The following PTPRD variants were observed in gnomAD, a reference collection of about 807,000 sequenced individuals.
PTPRD encodes receptor-type tyrosine-protein phosphatase delta.
A neutral mutation model predicts 214.5 loss-of-function variants in PTPRD; 34 were observed. The observed-to-expected ratio is 0.16, with a 90% CI of 0.12 to 0.21. PTPRD has a LOEUF of 0.21. Among genes scored for constraint, PTPRD ranks in the 10% least tolerant of loss-of-function variants. The pLI, the probability that PTPRD is intolerant of heterozygous loss-of-function variation, is 1.00. For missense variants in PTPRD, 2,545 were observed against 2,398.7 expected (o/e 1.06, Z -1.27); for synonymous variants, 1,128 against 845.7 (o/e 1.33, Z -5.79).
intron 11 of PTPRD, among the ~76,000 whole-genome samples, chr9:8,734,168 G>C (rs1413892126): frequency 6.6e-6 from 1 of 152,168 alleles, no homozygotes. Context: ...TTACGTGGGA[G>C]CTCTCGCATT....
chr9:9,368,975 T>C (rs576968287), intron 9 of PTPRD, among the ~76,000 whole-genome samples: 18 of 152,142 alleles, frequency 1.2e-4, no homozygotes, highest in African/African-American at 4.3e-4. Context: ...TGTTTTCTCA[T>C]TGTTCAATTC....
intron 9 of PTPRD, among the ~76,000 whole-genome samples, chr9:9,275,119 T>TTA (rs1158833470): frequency 1.1e-4 from 6 of 53,498 alleles, no homozygotes; most frequent in Non-Finnish European, 1.6e-4. Context: ...TATATATATA[T>TTA]TATATATATT....
chr9:8,783,765 AT>A (rs2154495565), intron 11 of PTPRD, among the ~76,000 whole-genome samples: 1 of 152,214 alleles, frequency 6.6e-6, no homozygotes, highest in South Asian at 2.1e-4. Context: ...CTGTCATAGG[AT>A]TTTCAACTGT....
intron 8 of PTPRD, among the ~76,000 whole-genome samples, chr9:9,529,589 G>C (rs547424709): frequency 6.6e-6 from 1 of 151,872 alleles, no homozygotes; most frequent in Non-Finnish European, 1.5e-5. Context: ...CAGTAAGATA[G>C]GACTACATAC....
chr9:8,733,652 A>G, intron 12 of PTPRD, 128 bp downstream of exon 12: 1 of 914,956 alleles, frequency 1.1e-6, no homozygotes, highest in Non-Finnish European at 1.7e-6. Flanking sequence ...GTAGCCAAGG[A>G]GGATCCCGCA....
intron 2 of PTPRD, among the ~76,000 whole-genome samples, chr9:10,589,206 T>C (rs1223278374): frequency 6.6e-6 from 1 of 151,994 alleles, no homozygotes; most frequent in Non-Finnish European, 1.5e-5. Flanking sequence ...GAAATGTCTG[T>C]GTGGGTCAGA....
rs1841366711 is a variant in PTPRD at position 8,331,756 on chromosome 9, TACCCGGCCGCAAAGGAAGAC to T, written c.5380-40_5380-21del. 1 of 1,555,412 alleles carries T rather than the reference TACCCGGCCGCAAAGGAAGAC, an allele frequency of 6.4e-7. No individual in the cohort carries two copies. The highest frequency in any genetic ancestry group is 1.4e-5 in the African/African-American group (1 of 72,604). Reference sequence around the variant, plus strand: ...GCCGTCCTTTAGAAGGAAAGCCACATACCCGGCCGCAAAGGAAGACGCCAGGAGGATTCAGCAAGCATACG... The same window carrying T: ...GCCGTCCTTTAGAAGGAAAGCCACATGCCAGGAGGATTCAGCAAGCATACG... On this transcript the variant is annotated intron_variant, in intron 43 of 45. Coordinates refer to ENST00000381196, the MANE Select transcript of PTPRD (RefSeq NM_002839.4).
chr9:8,679,206 C>A (rs1596744636), intron 12 of PTPRD, among the ~76,000 whole-genome samples: 1 of 152,186 alleles, frequency 6.6e-6, no homozygotes, highest in Admixed American at 6.5e-5. Flanking sequence ...GATGCATTCT[C>A]ATCTAGCATC....
intron 2 of PTPRD, among the ~76,000 whole-genome samples, chr9:10,582,668 G>A (rs969785673): frequency 6.6e-6 from 1 of 152,068 alleles, no homozygotes; most frequent in Non-Finnish European, 1.5e-5. Context: ...CCCTTATGAA[G>A]TGCTCCTTAT....
chr9:8,864,640 A>C (rs1291751574), intron 11 of PTPRD, among the ~76,000 whole-genome samples: 1 of 152,142 alleles, frequency 6.6e-6, no homozygotes, highest in Non-Finnish European at 1.5e-5. Context: ...CCACACGTTG[A>C]TTTTCACGTT....
At chr9:9,818,878 T>C (rs1437939708) in intron 5 of PTPRD, among the ~76,000 whole-genome samples, 1 of 132,482 alleles carries the variant, frequency 7.5e-6, no homozygotes, top group African/African-American at 3.0e-5. Flanking sequence ...ATTGTGGCAC[T>C]GCACTCCAGC....
chr9:10,546,287 G>T (rs1014193237), intron 2 of PTPRD, among the ~76,000 whole-genome samples: 1 of 151,984 alleles, frequency 6.6e-6, no homozygotes, highest in Non-Finnish European at 1.5e-5. Flanking sequence ...TTAAAGCCTT[G>T]ATATGTGATA....
chr9:9,033,475 C>G (rs1372188708), intron 10 of PTPRD, among the ~76,000 whole-genome samples: 6 of 152,044 alleles, frequency 3.9e-5, no homozygotes, highest in Non-Finnish European at 7.4e-5. Flanking sequence ...AGAAGAACAT[C>G]CAACCGCAGT....
intron 11 of PTPRD, among the ~76,000 whole-genome samples, chr9:8,919,284 T>C (rs767738261): frequency 4.0e-5 from 6 of 151,128 alleles, no homozygotes; most frequent in Non-Finnish European, 5.9e-5. Flanking sequence ...TCCCAGTGAC[T>C]AGGGAGGCTG....
In PTPRD at chr9:8,848,660, G is replaced by T. The variant is rs560511937; in HGVS notation, c.-103-114714C>A. The stretch of plus-strand genomic sequence containing the variant: ...AAGCACCATGTCATTGGGCGTACTT[G>T]CCTGGACGATGTGAGATAAATATTT... On this transcript the variant is annotated intron_variant, in intron 11 of 45. Transcript: ENST00000381196. Among the ~76,000 whole-genome samples the T allele has an allele frequency of 9.9e-5, 15 of 152,022 alleles. No homozygotes were observed. In the South Asian group the frequency reaches 2.5e-3, roughly 25 times the overall value.
At chr9:8,846,682 C>T (rs181317614) in intron 11 of PTPRD, among the ~76,000 whole-genome samples, 6 of 152,148 alleles carry the variant, frequency 3.9e-5, no homozygotes, top group African/African-American at 1.4e-4. Flanking sequence ...TGTGGTACAT[C>T]TGGGAAACAG....
chr9:10,358,512 T>G (rs1027945409), intron 2 of PTPRD, among the ~76,000 whole-genome samples: 1 of 151,840 alleles, frequency 6.6e-6, no homozygotes, highest in African/African-American at 2.4e-5. Flanking sequence ...TTATGAAACT[T>G]TTTTATTAAA....
At chr9:9,926,316 A>G (rs2084292842) in intron 5 of PTPRD, among the ~76,000 whole-genome samples, 1 of 152,190 alleles carries the variant, frequency 6.6e-6, no homozygotes, top group African/African-American at 2.4e-5. Flanking sequence ...ACAATAAAAC[A>G]GGAAAAATAG....
intron 2 of PTPRD, among the ~76,000 whole-genome samples, chr9:10,372,741 G>A (rs73644436): frequency 0.033 from 4,962 of 151,860 alleles, 296 homozygotes; most frequent in African/African-American, 0.11. Flanking sequence ...TAGCGTTCTT[G>A]TTAATGTTTA....
Sources: allele counts gnomAD v4.1 joint callset (sites outside exome capture counted in the v4.1 genomes callset), GRCh38; gene constraint gnomAD v4.1.1; transcripts MANE v1.5; gene names NCBI Gene and HGNC (gene_info 2026-07-23, HGNC 2026-07-21).